DEFB128: variants seen among roughly 807,000 people sequenced by gnomAD.
DEFB128 encodes the protein beta-defensin 128.
Under a neutral mutation model 2.4 loss-of-function variants are expected in DEFB128, and 1 was observed. The ratio of observed to expected loss-of-function variants is 0.41; its 90% confidence interval spans 0.15 to 1.96. The LOEUF (loss-of-function observed/expected upper bound fraction) is 1.96. Among genes scored for constraint, DEFB128 ranks in the 30% most tolerant of loss-of-function variants. DEFB128 has a pLI of 0.30. For missense variants in DEFB128, 129 were observed against 104.9 expected, an observed-to-expected ratio of 1.23 and a Z score of -1.00; for synonymous variants, 59 against 39.1, an observed-to-expected ratio of 1.51 and a Z score of -1.89.
In DEFB128 at chr20:189,651, C is replaced by T. The variant is rs761901494; in HGVS notation, c.-28G>A. 1.2e-6 allele frequency: 2 copies of T among 1,613,424 alleles called. No homozygotes were observed. Among genetic ancestry groups the T allele is most frequent in the South Asian group, 2.2e-5 (2 of 91,052 alleles). ...TTACAGACTTCCCAAGAGAAAGAGGCAGCAGAACTTTGTCCAGTGGTCTGT... is the reference window on the plus strand; with the variant it reads ...TTACAGACTTCCCAAGAGAAAGAGGTAGCAGAACTTTGTCCAGTGGTCTGT... On this transcript the variant is annotated 5_prime_UTR_variant, in exon 1 of 2. Transcript: ENST00000334391.
intron 1 of DEFB128, 38 bp downstream of exon 1, chr20:189,537 T>C: frequency 6.3e-7 from 1 of 1,592,622 alleles, no homozygotes; most frequent in Non-Finnish European, 8.6e-7. Context: ...CAAATAGTAA[T>C]ATCTCTTAGG....
chr20:188,160 G>A (rs763170214), intron 1 of DEFB128, 42 bp from the exon 2 acceptor site: 1 of 1,576,348 alleles, frequency 6.3e-7, no homozygotes, highest in Non-Finnish European at 8.7e-7. Flanking sequence ...TAGTGCGTAA[G>A]GAAGAGCAGA....
Position 189,705 on chromosome 20 carries a change from A to C in DEFB128, c.-82T>G. The C allele has an allele frequency of 1.3e-6, 2 of 1,494,772 alleles. No individual in the cohort carries two copies. Among genetic ancestry groups the C allele is most frequent in the African/African-American group, 2.8e-5 (2 of 72,258 alleles). The allele number at this position is 1,494,772 out of a possible 1,614,324, so 92.6% of individuals were successfully genotyped here. A position where few individuals can be genotyped will look rare whatever the true frequency, so the allele number is the denominator to read the frequency against. On this transcript the variant is annotated 5_prime_UTR_variant, in exon 1 of 2. Transcript: ENST00000334391. The stretch of plus-strand genomic sequence containing the variant: ...CCACAGGTCTTTAAAGATGATCCAG[A>C]GTTTTGAGAGCTATCAGCGCTCGGA...
rs2011119618 is a variant in DEFB128, at chr20:189,570, G to A, written c.49+5C>T. ...AGGATGTTATAGTACATTTGGACAAGTTACCTGTGAGTACCTCAAACAGCA... is the reference window on the plus strand; with the variant it reads ...AGGATGTTATAGTACATTTGGACAAATTACCTGTGAGTACCTCAAACAGCA... On this transcript the variant is annotated splice_donor_5th_base_variant and intron_variant, in intron 1 of 1. Transcript: ENST00000334391. 3.1e-6 allele frequency: 5 copies of A among 1,613,348 alleles called. No homozygotes were observed. The highest frequency in any genetic ancestry group is 2.7e-5 in the African/African-American group (2 of 74,984).
Position 189,694 on chromosome 20 carries a change from A to G in DEFB128, c.-71T>C, listed in dbSNP as rs777661205. The G allele has an allele frequency of 5.5e-5, 86 of 1,550,256 alleles. No individual in the cohort carries two copies. Among genetic ancestry groups the G allele is most frequent in the Admixed American group, 1.0e-4 (6 of 58,968 alleles). On this transcript the variant is annotated 5_prime_UTR_variant, in exon 1 of 2. Transcript: ENST00000334391. ...TGGTCTGTGTGCCACAGGTCTTTAA[A>G]GATGATCCAGAGTTTTGAGAGCTAT...
rs1180209381 is a variant in DEFB128, at chr20:189,563, T to C, written c.49+12A>G. On this transcript the variant is annotated intron_variant, in intron 1 of 1. Coordinates refer to ENST00000334391, the MANE Select transcript of DEFB128 (RefSeq NM_001037732.3). ...ATCTCTTAGGATGTTATAGTACATT[T>C]GGACAAGTTACCTGTGAGTACCTCA... is the stretch of plus-strand genomic sequence containing the variant. 2 of 1,612,788 alleles carry C rather than the reference T, an allele frequency of 1.2e-6. No homozygotes were observed. The highest frequency in any genetic ancestry group is 1.7e-6 in the Non-Finnish European group (2 of 1,178,852).
At chr20:189,134 G>C (rs896577318) in intron 1 of DEFB128, among the ~76,000 whole-genome samples, 24 of 152,140 alleles carry the variant, frequency 1.6e-4, no homozygotes, top group African/African-American at 5.8e-4. Flanking sequence ...TCACAGATGA[G>C]AAAATTGAGA....
Sources: gnomAD v4.1 joint callset for allele counts (sites outside exome capture counted in the v4.1 genomes callset) on GRCh38, gnomAD v4.1.1 for gene constraint, MANE v1.5 for transcripts, NCBI Gene and HGNC (gene_info 2026-07-23, HGNC 2026-07-21) for gene names.